ZNF808: variants seen among roughly 807,000 people sequenced by gnomAD.
The protein encoded by ZNF808 is zinc finger protein 808.
Under a neutral mutation model 8.7 loss-of-function variants are expected in ZNF808, and 5 were observed. The ratio of observed to expected loss-of-function variants is 0.58; its 90% confidence interval spans 0.30 to 1.21. The LOEUF (loss-of-function observed/expected upper bound fraction) is 1.21, where lower values mean the gene tolerates loss of function less well. Ranked by LOEUF, ZNF808 falls within the 50% of genes most tolerant of loss-of-function variation. The pLI, the probability that ZNF808 is intolerant of heterozygous loss-of-function variation, is 0.07. For synonymous variants in ZNF808, 380 were observed against 366.0 expected, an observed-to-expected ratio of 1.04 and a Z score of -0.44; for missense variants, 1,103 against 1,098.4, an observed-to-expected ratio of 1.00 and a Z score of -0.06.
Position 52,527,700 on chromosome 19 carries a change from C to A in ZNF808, c.-133C>A. The A allele has an allele frequency of 1.3e-5, 2 of 157,110 alleles. No individual in the cohort carries two copies. Among genetic ancestry groups the A allele is most frequent in the South Asian group, 3.2e-4 (2 of 6,176 alleles). 9.7% of individuals were successfully genotyped at this position (157,110 alleles called of 1,614,324 possible). A position where few individuals can be genotyped will look rare whatever the true frequency, so the allele number is the denominator to read the frequency against. The stretch of plus-strand genomic sequence containing the variant: ...GAAGCGGATCGGGTGGAGTGAAGGT[C>A]ACGTCGCCATGGTGAGTTTTGCTCT... On this transcript the variant is annotated 5_prime_UTR_variant, in exon 1 of 5. Transcript: ENST00000359798.
At chr19:52,535,190 G>A (rs1568478629) in intron 2 of ZNF808, among the ~76,000 whole-genome samples, 1 of 151,764 alleles carries the variant, frequency 6.6e-6, no homozygotes. Context: ...AATTAGCCGA[G>A]CGTCGTGGTG....
At position 52,553,997 on chromosome 19, in the gene ZNF808, C is replaced by G; in HGVS notation, c.1081C>G (p.His361Asp). Residue 361 changes from histidine (H) to aspartate (D), a missense_variant, in exon 5 of 5, where the codon CAT becomes GAT. Coordinates refer to ENST00000359798, the MANE Select transcript of ZNF808 (RefSeq NM_001039886.4). ...AFNQQSHLSR[H>D]QRLHTGVKPY... Reference sequence around the variant, plus strand: ...TAATCAACAATCACACCTTTCACGCCATCAAAGACTTCATACTGGAGTGAA... The same window carrying G: ...TAATCAACAATCACACCTTTCACGCGATCAAAGACTTCATACTGGAGTGAA... The G allele has an allele frequency of 6.2e-7, 1 of 1,614,054 alleles. No individual in the cohort carries two copies. Among genetic ancestry groups the G allele is most frequent in the Non-Finnish European group, 8.5e-7 (1 of 1,180,004 alleles).
chr19:52,535,351 AAAAAGAG>A (rs2059596665), intron 2 of ZNF808, among the ~76,000 whole-genome samples: 1 of 147,544 alleles, frequency 6.8e-6, no homozygotes, highest in Non-Finnish European at 1.5e-5. Flanking sequence ...AAAAAAAAAA[AAAAAGAG>A]AGAAAAGGAA....
intron 1 of ZNF808, among the ~76,000 whole-genome samples, chr19:52,528,303 T>C (rs565292880): frequency 2.9e-4 from 44 of 152,208 alleles, no homozygotes; most frequent in African/African-American, 1.1e-3. Flanking sequence ...CCTGCCGAGC[T>C]CCAGCCCTTG....
intron 2 of ZNF808, among the ~76,000 whole-genome samples, chr19:52,536,723 A>G (rs2059615462): frequency 6.6e-6 from 1 of 152,146 alleles, no homozygotes; most frequent in African/African-American, 2.4e-5. Flanking sequence ...ACAGAGGGAG[A>G]AACACAGCAG....
Position 52,554,556 on chromosome 19 carries a change from T to C in ZNF808, c.1640T>C (p.Val547Ala). The change falls in exon 5 of 5, where the codon GTT becomes GCT. Residue 547 changes from valine to alanine, a missense_variant. By Grantham distance (64) the Val-to-Ala change is moderately conservative (BLOSUM62 0). Transcript: ENST00000359798. ...KSYKCTVCNK[V>A]FMRNSVLAVH... Reference sequence around the variant, plus strand: ...TACAAATGTACGGTTTGTAACAAGGTTTTCATGCGTAATTCAGTCCTGGCT... The same window carrying C: ...TACAAATGTACGGTTTGTAACAAGGCTTTCATGCGTAATTCAGTCCTGGCT... The C allele has an allele frequency of 1.9e-6, 3 of 1,613,576 alleles. No individual in the cohort carries two copies. The highest frequency in any genetic ancestry group is 2.5e-6 in the Non-Finnish European group (3 of 1,179,726).
intron 3 of ZNF808, among the ~76,000 whole-genome samples, chr19:52,546,642 C>CTTTTTTTTTTT (rs67940309): frequency 1.0e-5 from 1 of 98,796 alleles, no homozygotes; most frequent in African/African-American, 4.0e-5. Context: ...CCTGTGTTTG[C>CTTTTTTTTTTT]TTTTTTTTTT....
downstream of ZNF808, among the ~76,000 whole-genome samples, chr19:52,565,831 T>C (rs565794780): frequency 6.6e-6 from 1 of 152,194 alleles, no homozygotes; most frequent in African/African-American, 2.4e-5. Context: ...TTATATGTAT[T>C]GATTGATGTC....
rs1392225359 is a variant in ZNF808, at chr19:52,555,191, G to T, written c.2275G>T (p.Gly759Cys). 6.2e-7 allele frequency: 1 copy of T among 1,614,060 alleles called. No homozygotes were observed. Among genetic ancestry groups the T allele is most frequent in the Non-Finnish European group, 8.5e-7 (1 of 1,179,986 alleles). The change falls in exon 5 of 5, where the codon GGT becomes TGT. Residue 759 changes from glycine (G) to cysteine (C), a missense_variant. Transcript: ENST00000359798. ...TLLCHRRLHSGEKPYKCNDCG... is the reference protein window; with the variant it reads ...TLLCHRRLHSCEKPYKCNDCG... ...TCTATGCCATCGTAGACTTCATAGT[G>T]GTGAGAAACCTTACAAGTGTAACGA...
Position 52,555,080 on chromosome 19 carries a change from C to G in ZNF808, c.2164C>G (p.Leu722Val). ...CAAGACCTTCAGTAACAGGTCATCC[C>G]TTGTATGCCATCGTAGAATTCATAG... ...CSKTFSNRSS[L>V]VCHRRIHSGE... Residue 722 changes from leucine to valine, a missense_variant, in exon 5 of 5, where the codon CTT becomes GTT. Leu to Val is a conservative substitution (Grantham distance 32). Coordinates refer to ENST00000359798, the MANE Select transcript of ZNF808 (RefSeq NM_001039886.4). 1 of 1,614,052 alleles carries G rather than the reference C, an allele frequency of 6.2e-7. No homozygotes were observed. Among genetic ancestry groups the G allele is most frequent in the Non-Finnish European group, 8.5e-7 (1 of 1,180,016 alleles).
chr19:52,561,194 CTCTCTCTCTCT>C (rs2059856072), downstream of ZNF808, among the ~76,000 whole-genome samples: 1 of 68,780 alleles, frequency 1.5e-5, no homozygotes, highest in East Asian at 3.3e-4. Flanking sequence ...CTCTCTCTCT[CTCTCTCTCTCT>C]CTCTCTCTAT....
chr19:52,551,081 A>G (rs1160942428), intron 4 of ZNF808, among the ~76,000 whole-genome samples: 5 of 152,058 alleles, frequency 3.3e-5, no homozygotes, highest in African/African-American at 1.2e-4. Context: ...ATTGGGCATG[A>G]TGACTCATGC....
At chr19:52,543,845 T>A (rs879649473) in intron 3 of ZNF808, among the ~76,000 whole-genome samples, 1 of 49,188 alleles carries the variant, frequency 2.0e-5, no homozygotes, top group Non-Finnish European at 3.1e-5. Context: ...TGTGTCCAAA[T>A]TTTTTTTTTT....
intron 4 of ZNF808, among the ~76,000 whole-genome samples, chr19:52,552,322 A>G (rs562982036): frequency 6.6e-6 from 1 of 151,520 alleles, no homozygotes. Context: ...CGGCCCAAAA[A>G]TTTTTTCAAA....
At chr19:52,536,009 G>T (rs577747016) in intron 2 of ZNF808, 1 of 163,254 alleles carries the variant, frequency 6.1e-6, no homozygotes, top group South Asian at 1.5e-4. Flanking sequence ...CGCAAACCCC[G>T]AGGCGGATCG....
chr19:52,558,479 C>T (rs1003706999), downstream of ZNF808, among the ~76,000 whole-genome samples: 1 of 152,138 alleles, frequency 6.6e-6, no homozygotes, highest in Non-Finnish European at 1.5e-5. Flanking sequence ...TCAAGCGATT[C>T]TTGTGCCTCA....
rs1307153878 is a variant in ZNF808 at position 52,553,468 on chromosome 19, C to A, written c.552C>A (p.Thr184=). ...TTGCTAATCAACTTGAGAAGTCTAC[C>A]AGTGATGCTTCCTCAGTTTCAACAT... ...GEIANQLEKS[T]SDASSVSTSQ... The change falls in exon 5 of 5, where the codon ACC becomes ACA. Residue 184 remains threonine (T), a synonymous_variant. Transcript: ENST00000359798. The A allele has an allele frequency of 1.2e-6, 2 of 1,614,144 alleles. No homozygotes were observed. The highest frequency in any genetic ancestry group is 3.3e-5 in the Admixed American group (2 of 60,004).
intron 2 of ZNF808, among the ~76,000 whole-genome samples, chr19:52,537,348 G>A (rs1231593615): frequency 6.7e-6 from 1 of 150,110 alleles, no homozygotes; most frequent in Non-Finnish European, 1.5e-5. Flanking sequence ...AGAGAGAAGG[G>A]GAGAATGAGA....
chr19:52,540,078 C>T (rs745943104), intron 2 of ZNF808, among the ~76,000 whole-genome samples: 1 of 151,776 alleles, frequency 6.6e-6, no homozygotes, highest in Non-Finnish European at 1.5e-5. Flanking sequence ...GTGGCACGAC[C>T]TCGTCTCACT....
Sources: gnomAD v4.1 joint callset for allele counts (sites outside exome capture counted in the v4.1 genomes callset) on GRCh38, gnomAD v4.1.1 for gene constraint, MANE v1.5 for transcripts, NCBI Gene and HGNC (gene_info 2026-07-23, HGNC 2026-07-21) for gene names.